The following GPC6 variants were observed in gnomAD, a reference collection of about 807,000 sequenced individuals.
GPC6 encodes glypican 6.
In GPC6, 14 loss-of-function variants were observed where a neutral mutation model predicts 55.2. The observed-to-expected ratio is 0.25, with a 90% CI of 0.17 to 0.40. The LOEUF is 0.40. Among genes scored for constraint, GPC6 ranks in the 10% least tolerant of loss-of-function variants. The pLI is 1.00. For missense variants in GPC6, 641 were observed against 708.5 expected (o/e 0.90, Z 1.08); for synonymous variants, 278 against 259.6 (o/e 1.07, Z -0.68).
chr13:93,264,482 T>G lies in GPC6; in HGVS notation c.160+36866T>G, dbSNP rs547481687. Among the ~76,000 whole-genome samples, 4 of 152,262 alleles carry G rather than the reference T, an allele frequency of 2.6e-5. No individual in the cohort carries two copies. The East Asian group carries it at 7.7e-4, about 29-fold the overall frequency. ...TGGAGTGCAGTAGCACAATCATAGC[T>G]CCCTGCAGCCTCTAATTCCTGGGCT... On this transcript the variant is annotated intron_variant, in intron 1 of 8. Coordinates refer to ENST00000377047, the MANE Select transcript of GPC6 (RefSeq NM_005708.5).
chr13:94,034,250 A>AGGG (rs1883255724), intron 4 of GPC6, among the ~76,000 whole-genome samples: 2 of 151,758 alleles, frequency 1.3e-5, no homozygotes, highest in South Asian at 4.2e-4. Flanking sequence ...GGAAGGAAGG[A>AGGG]AAGAAAGAAA....
chr13:93,853,370 A>G (rs889994264), intron 3 of GPC6, among the ~76,000 whole-genome samples: 6 of 151,684 alleles, frequency 4.0e-5, no homozygotes, highest in African/African-American at 1.4e-4. Context: ...TTATCATATT[A>G]CCATTCTCCA....
intron 2 of GPC6, among the ~76,000 whole-genome samples, chr13:93,786,663 A>G (rs1885823488): frequency 6.6e-6 from 1 of 152,162 alleles, no homozygotes; most frequent in Non-Finnish European, 1.5e-5. Context: ...AGTCCAACAT[A>G]AAAGTTAATA....
intron 4 of GPC6, among the ~76,000 whole-genome samples, chr13:94,034,853 T>C (rs1883279951): frequency 1.3e-5 from 2 of 151,624 alleles, no homozygotes; most frequent in Admixed American, 1.3e-4. Context: ...ATTGTGCAAC[T>C]AAAATTCATT....
At chr13:94,101,007 T>C (rs1351250913) in intron 4 of GPC6, among the ~76,000 whole-genome samples, 4 of 152,210 alleles carry the variant, frequency 2.6e-5, no homozygotes, top group African/African-American at 4.8e-5. Flanking sequence ...CACTGGTCAT[T>C]GCGTCAGGCA....
chr13:93,676,159 A>G (rs1881615232), intron 2 of GPC6, among the ~76,000 whole-genome samples: 2 of 32,448 alleles, frequency 6.2e-5, no homozygotes, highest in Non-Finnish European at 1.8e-4. Context: ...ATATATATAT[A>G]TATATATATA....
At chr13:93,484,379 C>A (rs1028135230) in intron 1 of GPC6, among the ~76,000 whole-genome samples, 1 of 152,138 alleles carries the variant, frequency 6.6e-6, no homozygotes, top group African/African-American at 2.4e-5. Context: ...AATTGTCTCA[C>A]TGGTATTTGT....
intron 6 of GPC6, among the ~76,000 whole-genome samples, chr13:94,363,572 T>C (rs1879155574): frequency 6.6e-6 from 1 of 152,208 alleles, no homozygotes; most frequent in Admixed American, 6.5e-5. Flanking sequence ...AGCCCACCTT[T>C]AGTTCATTCA....
At chr13:93,676,119 AAAAAAAAATATAT>A (rs1881590053) in intron 2 of GPC6, among the ~76,000 whole-genome samples, 3 of 14,622 alleles carry the variant, frequency 2.1e-4, no homozygotes, top group African/African-American at 4.7e-4. Context: ...AAAAAAAAAA[AAAAAAAAATATAT>A]ATATATATAT....
intron 1 of GPC6, among the ~76,000 whole-genome samples, chr13:93,232,465 C>T (rs954324120): frequency 1.3e-5 from 2 of 152,084 alleles, no homozygotes; most frequent in Non-Finnish European, 2.9e-5. Flanking sequence ...TTGATTTGGG[C>T]ATTAATTTTA....
At chr13:94,123,113 T>G (rs948355686) in intron 4 of GPC6, among the ~76,000 whole-genome samples, 5 of 152,058 alleles carry the variant, frequency 3.3e-5, no homozygotes, top group Non-Finnish European at 7.4e-5. Flanking sequence ...TCATAAATCT[T>G]TTCAAAATGT....
chr13:93,689,025 C>T (rs1660942033), intron 2 of GPC6, among the ~76,000 whole-genome samples: 1 of 151,890 alleles, frequency 6.6e-6, no homozygotes, highest in South Asian at 2.1e-4. Flanking sequence ...GAACCTAGGT[C>T]ATCTCTATTT....
intron 2 of GPC6, among the ~76,000 whole-genome samples, chr13:93,667,202 T>C (rs1471439154): frequency 6.6e-6 from 1 of 152,168 alleles, no homozygotes; most frequent in African/African-American, 2.4e-5. Context: ...AGCTAAACAT[T>C]TATTTCTTTG....
chr13:93,289,577 A>G (rs898502163), intron 1 of GPC6, among the ~76,000 whole-genome samples: 4 of 152,202 alleles, frequency 2.6e-5, no homozygotes, highest in African/African-American at 4.8e-5. Context: ...AAATATATGT[A>G]TATCTTCATA....
At chr13:93,380,399 T>A (rs1303892465) in intron 1 of GPC6, among the ~76,000 whole-genome samples, 1 of 152,146 alleles carries the variant, frequency 6.6e-6, no homozygotes, top group East Asian at 1.9e-4. Flanking sequence ...AATAAAGGTA[T>A]TAATATAAGA....
At chr13:93,512,550 G>A (rs369414049) in intron 1 of GPC6, among the ~76,000 whole-genome samples, 1 of 152,032 alleles carries the variant, frequency 6.6e-6, no homozygotes, top group East Asian at 1.9e-4. Context: ...ATTTGCTGTT[G>A]GATTCAGTTT....
rs116375292 is a variant in GPC6 at position 93,238,099 on chromosome 13, A to G, written c.160+10483A>G. 4.4e-3 allele frequency among the ~76,000 whole-genome samples: 672 copies of G among 152,236 alleles called. 10 individuals are homozygous for G. Among genetic ancestry groups the G allele is most frequent in the African/African-American group, 0.014 (598 of 41,556 alleles). Reference sequence around the variant, plus strand: ...TGGGATTGCTTTTTCTAACTCTGTGAAAAACGATATTGGTATATTGATAGA... The same window carrying G: ...TGGGATTGCTTTTTCTAACTCTGTGGAAAACGATATTGGTATATTGATAGA... On this transcript the variant is annotated intron_variant, in intron 1 of 8. Coordinates refer to ENST00000377047, the MANE Select transcript of GPC6 (RefSeq NM_005708.5).
chr13:93,742,829 A>G (rs991124383), intron 2 of GPC6, among the ~76,000 whole-genome samples: 1 of 152,196 alleles, frequency 6.6e-6, no homozygotes, highest in Non-Finnish European at 1.5e-5. Flanking sequence ...CAAACAAACC[A>G]GATGAATATT....
intron 1 of GPC6, among the ~76,000 whole-genome samples, chr13:93,252,580 C>T (rs1164948898): frequency 6.6e-6 from 1 of 152,154 alleles, no homozygotes. Flanking sequence ...CTTTGCCAAG[C>T]TTGTATAGTG....
Sources: gnomAD v4.1 joint callset for allele counts (sites outside exome capture counted in the v4.1 genomes callset) on GRCh38, gnomAD v4.1.1 for gene constraint, MANE v1.5 for transcripts, NCBI Gene and HGNC (gene_info 2026-07-23, HGNC 2026-07-21) for gene names.